The following CTNNA3 variants were observed in gnomAD, a reference collection of about 807,000 sequenced individuals.
The protein encoded by CTNNA3 is catenin alpha 3, also known as catenin alpha-3.
A neutral mutation model predicts 95.7 loss-of-function variants in CTNNA3; 76 were observed. That is an observed-to-expected ratio of 0.79 (90% confidence interval 0.66 to 0.96). CTNNA3 has a LOEUF of 0.96. Among genes scored for constraint, CTNNA3 ranks in the 40% least tolerant of loss-of-function variants. The probability of loss-of-function intolerance (pLI) is 0.00; values close to 1 mark genes in which losing one functional copy is unlikely to be tolerated. For missense variants in CTNNA3, 1,191 were observed against 1,089.8 expected (o/e 1.09, Z -1.31); for synonymous variants, 431 against 374.4 (o/e 1.15, Z -1.74).
At chr10:66,139,681 C>A (rs2083517311) in intron 13 of CTNNA3, among the ~76,000 whole-genome samples, 2 of 152,182 alleles carry the variant, frequency 1.3e-5, no homozygotes, top group African/African-American at 2.4e-5. Context: ...AATAGACCAT[C>A]ATAATTGTCC....
intron 7 of CTNNA3, among the ~76,000 whole-genome samples, chr10:67,074,756 TA>T (rs971645174): frequency 7.2e-5 from 11 of 152,062 alleles, no homozygotes; most frequent in African/African-American, 2.7e-4. Flanking sequence ...TTATGCCAGC[TA>T]AAGACATGTA....
chr10:66,766,931 T>G (rs1273638846), intron 8 of CTNNA3, among the ~76,000 whole-genome samples: 1 of 152,194 alleles, frequency 6.6e-6, no homozygotes, highest in Non-Finnish European at 1.5e-5. Context: ...ATAAATGAGT[T>G]TGATGTCCAA....
intron 15 of CTNNA3, among the ~76,000 whole-genome samples, chr10:66,051,302 G>A (rs2079953286): frequency 6.6e-6 from 1 of 152,218 alleles, no homozygotes; most frequent in African/African-American, 2.4e-5. Flanking sequence ...ACATGATCAT[G>A]AAATATTTTT....
At chr10:66,638,428 G>A (rs1437339181) in intron 9 of CTNNA3, among the ~76,000 whole-genome samples, 3 of 150,940 alleles carry the variant, frequency 2.0e-5, no homozygotes, top group Non-Finnish European at 4.4e-5. Context: ...TCCTCCCGCC[G>A]CCGCCCACCC....
At chr10:66,942,572 C>G (rs1439761840) in intron 7 of CTNNA3, among the ~76,000 whole-genome samples, 1 of 149,720 alleles carries the variant, frequency 6.7e-6, no homozygotes, top group African/African-American at 2.4e-5. Flanking sequence ...CTCTCTCTCT[C>G]TCTCTGTGTG....
At chr10:67,754,736 A>G (rs1841424126) in intron 1 of CTNNA3, among the ~76,000 whole-genome samples, 1 of 152,226 alleles carries the variant, frequency 6.6e-6, no homozygotes, top group African/African-American at 2.4e-5. Flanking sequence ...AACAATCAAC[A>G]AAGTGCAAAA....
chr10:67,358,405 G>A (rs1463449928), intron 5 of CTNNA3, among the ~76,000 whole-genome samples: 1 of 152,060 alleles, frequency 6.6e-6, no homozygotes, highest in African/African-American at 2.4e-5. Flanking sequence ...AAAATATGGG[G>A]TAAACCATCA....
chr10:66,711,300 G>T (rs1848286645), intron 9 of CTNNA3, among the ~76,000 whole-genome samples: 1 of 122,820 alleles, frequency 8.1e-6, no homozygotes, highest in Non-Finnish European at 1.8e-5. Context: ...GCAAGATAAA[G>T]AACATAAACT....
At chr10:66,573,600 T>C (rs1245723326) in intron 10 of CTNNA3, among the ~76,000 whole-genome samples, 4 of 152,178 alleles carry the variant, frequency 2.6e-5, no homozygotes, top group Middle Eastern at 3.2e-3. Flanking sequence ...GAATTGCCTA[T>C]TCATTTTTGC....
At chr10:65,973,833 C>T (rs192458351) in intron 16 of CTNNA3, among the ~76,000 whole-genome samples, 31 of 152,114 alleles carry the variant, frequency 2.0e-4, no homozygotes, top group Non-Finnish European at 4.0e-4. Flanking sequence ...GAGGAATCTG[C>T]CCCTATTACC....
At chr10:66,486,231 T>C (rs990719824) in intron 11 of CTNNA3, among the ~76,000 whole-genome samples, 1 of 152,182 alleles carries the variant, frequency 6.6e-6, no homozygotes, top group African/African-American at 2.4e-5. Flanking sequence ...GAAAATCATT[T>C]GTACAGCAAG....
intron 2 of CTNNA3, among the ~76,000 whole-genome samples, chr10:67,635,278 T>C (rs1839271276): frequency 6.6e-6 from 1 of 152,156 alleles, no homozygotes; most frequent in Non-Finnish European, 1.5e-5. Flanking sequence ...ACTAAAACTA[T>C]TCAAAAAATT....
chr10:67,747,276 G>T (rs919726867), intron 1 of CTNNA3, among the ~76,000 whole-genome samples: 3 of 152,188 alleles, frequency 2.0e-5, no homozygotes, highest in Non-Finnish European at 4.4e-5. Context: ...CCACCAAGGG[G>T]CAGCCAGCGT....
At chr10:66,872,546 G>A (rs886777240) in intron 7 of CTNNA3, among the ~76,000 whole-genome samples, 1 of 152,000 alleles carries the variant, frequency 6.6e-6, no homozygotes, top group African/African-American at 2.4e-5. Context: ...GCGGGTGCCT[G>A]TAATCCCAGC....
intron 5 of CTNNA3, among the ~76,000 whole-genome samples, chr10:67,412,642 G>C (rs539202054): frequency 5.9e-5 from 9 of 152,182 alleles, no homozygotes; most frequent in African/African-American, 2.2e-4. Flanking sequence ...AATCCCACCA[G>C]GCTAGAAGCA....
intron 5 of CTNNA3, among the ~76,000 whole-genome samples, chr10:67,494,197 G>GT (rs1295008108): frequency 1.3e-5 from 2 of 152,088 alleles, no homozygotes; most frequent in African/African-American, 2.4e-5. Flanking sequence ...AAAACTGAGG[G>GT]TTTTTTTAAT....
Position 65,918,717 on chromosome 10 carries a change from A to C in CTNNA3, c.*1613T>G, listed in dbSNP as rs1411968632. The C allele has an allele frequency of 1.3e-5, 2 of 152,132 alleles. No homozygotes were observed. Among genetic ancestry groups the C allele is most frequent in the Non-Finnish European group, 2.9e-5 (2 of 68,024 alleles). The allele number at this position is 152,132 out of a possible 1,614,324, so 9.4% of individuals were successfully genotyped here. On this transcript the variant is annotated 3_prime_UTR_variant, in exon 18 of 18. Transcript: ENST00000433211. The stretch of plus-strand genomic sequence containing the variant: ...GAGCTCAGGCAATCCAGCTACTTGG[A>C]AGATTGAAATAATTCATTACAAGAA...
At chr10:67,571,103 T>G (rs546079615) in intron 3 of CTNNA3, among the ~76,000 whole-genome samples, 20 of 152,202 alleles carry the variant, frequency 1.3e-4, no homozygotes, top group African/African-American at 4.8e-4. Context: ...CCACAGTGCC[T>G]CTCTAATATT....
At chr10:67,347,434 A>C (rs1455932419) in intron 5 of CTNNA3, among the ~76,000 whole-genome samples, 2 of 152,154 alleles carry the variant, frequency 1.3e-5, no homozygotes, top group African/African-American at 2.4e-5. Flanking sequence ...GCCATTATTT[A>C]AAGTCACTTT....
Sources: gnomAD v4.1 joint callset for allele counts (sites outside exome capture counted in the v4.1 genomes callset) on GRCh38, gnomAD v4.1.1 for gene constraint, MANE v1.5 for transcripts, NCBI Gene and HGNC (gene_info 2026-07-23, HGNC 2026-07-21) for gene names.